Variants in CNTNAP2 observed in about 807,000 individuals in gnomAD.
CNTNAP2 encodes the protein contactin associated protein 2.
In CNTNAP2, 98 loss-of-function variants were observed where a neutral mutation model predicts 155.2. The ratio of observed to expected loss-of-function variants is 0.63; its 90% CI spans 0.54 to 0.75. CNTNAP2 has a LOEUF of 0.75. Ranked by LOEUF, CNTNAP2 falls within the 30% of genes least tolerant of loss-of-function variation. CNTNAP2 has a pLI of 0.00. For synonymous variants in CNTNAP2, 651 were observed against 631.2 expected (o/e 1.03, Z -0.47); for missense variants, 1,727 against 1,688.1 (o/e 1.02, Z -0.40).
In CNTNAP2 at chr7:147,774,954, C is replaced by T. The variant is rs1050332551; in HGVS notation, c.2099-128611C>T. ...ATACCAGAACTAAACCCATTAACCACGTGGCAGTTCAGTGCTTTCTCTACT... is the reference window on the plus strand; with the variant it reads ...ATACCAGAACTAAACCCATTAACCATGTGGCAGTTCAGTGCTTTCTCTACT... On this transcript the variant is annotated intron_variant, in intron 13 of 23. Transcript: ENST00000361727. Among the ~76,000 whole-genome samples the T allele has an allele frequency of 4.0e-5, 6 of 151,808 alleles. No individual in the cohort carries two copies. In the East Asian group the frequency reaches 5.8e-4, roughly 15 times the overall value.
intron 1 of CNTNAP2, among the ~76,000 whole-genome samples, chr7:146,727,739 A>C (rs1801455471): frequency 1.3e-5 from 2 of 152,200 alleles, no homozygotes; most frequent in East Asian, 3.8e-4. Context: ...TATTTATAGA[A>C]GCGTATGTGT....
intron 3 of CNTNAP2, among the ~76,000 whole-genome samples, chr7:146,853,845 A>G (rs1794927049): frequency 6.6e-6 from 1 of 152,214 alleles, no homozygotes; most frequent in African/African-American, 2.4e-5. Flanking sequence ...CAAATTGTGG[A>G]ATTTAGTGAA....
In CNTNAP2 at chr7:148,079,823, G is replaced by A. The variant is rs543711805; in HGVS notation, c.2384-38295G>A. On this transcript the variant is annotated intron_variant, in intron 15 of 23. Coordinates refer to ENST00000361727, the MANE Select transcript of CNTNAP2 (RefSeq NM_014141.6). ...TGGTCAGCTGTGCCTGGATTCCAAA[G>A]GGAGGAGGGTATAATGAGGCATGTG... Among the ~76,000 whole-genome samples the A allele has an allele frequency of 7.9e-5, 12 of 152,270 alleles. No homozygotes were observed. The South Asian group carries it at 2.3e-3, about 29-fold the overall frequency.
At chr7:146,833,957 A>G (rs894178103) in intron 2 of CNTNAP2, among the ~76,000 whole-genome samples, 1 of 152,178 alleles carries the variant, frequency 6.6e-6, no homozygotes, top group African/African-American at 2.4e-5. Flanking sequence ...TATTTGAAGC[A>G]GAAGGGGGTC....
chr7:146,930,904 C>T (rs373217323), intron 3 of CNTNAP2, among the ~76,000 whole-genome samples: 1 of 152,096 alleles, frequency 6.6e-6, no homozygotes. Flanking sequence ...AATATATATG[C>T]ACCCAATACA....
At chr7:147,091,404 T>A (rs1437157059) in intron 4 of CNTNAP2, among the ~76,000 whole-genome samples, 1 of 152,124 alleles carries the variant, frequency 6.6e-6, no homozygotes, top group African/African-American at 2.4e-5. Context: ...AATGAAGGCA[T>A]GTGCTATGAT....
Position 148,419,488 on chromosome 7 carries a change from G to A in CNTNAP2, c.*3872G>A, listed in dbSNP as rs992789269. On this transcript the variant is annotated 3_prime_UTR_variant, in exon 24 of 24. Coordinates refer to ENST00000361727, the MANE Select transcript of CNTNAP2 (RefSeq NM_014141.6). ...TCTGTCCCCCAGGCTGGAGTGCACT[G>A]GCGCAATCTCGGGCTCACTGCAACC... is the stretch of plus-strand genomic sequence containing the variant. 6.6e-6 allele frequency: 1 copy of A among 152,074 alleles called. No individual in the cohort carries two copies. The highest frequency in any genetic ancestry group is 1.5e-5 in the Non-Finnish European group (1 of 68,118). 9.4% of individuals were successfully genotyped at this position (152,074 alleles called of 1,614,324 possible). A position where few individuals can be genotyped will look rare whatever the true frequency, so the allele number is the denominator to read the frequency against.
intron 1 of CNTNAP2, among the ~76,000 whole-genome samples, chr7:146,280,135 T>TTG (rs1464297677): frequency 6.6e-6 from 1 of 152,150 alleles, no homozygotes; most frequent in Non-Finnish European, 1.5e-5. Context: ...GTCTATCTTT[T>TTG]TTAGTAAAAG....
chr7:147,161,877 A>C (rs1802032288), intron 8 of CNTNAP2: 1 of 152,180 alleles, frequency 6.6e-6, no homozygotes, highest in African/African-American at 2.4e-5. Context: ...TATGACCAAT[A>C]TGCTTTGACC....
rs138192783 is a variant in CNTNAP2 at position 147,392,376 on chromosome 7, T to C, written c.1499-3233T>C. On this transcript the variant is annotated intron_variant, in intron 9 of 23. Transcript: ENST00000361727. The stretch of plus-strand genomic sequence containing the variant: ...ATTTTATTTTTAATTTTTATTTCCA[T>C]AGGTTTTTGGGGGAACAGGTGGTAT... Among the ~76,000 whole-genome samples, 301 of 152,066 alleles carry C rather than the reference T, an allele frequency of 2.0e-3. 2 individuals are homozygous for C. Among genetic ancestry groups the C allele is most frequent in the African/African-American group, 7.0e-3 (292 of 41,520 alleles).
At chr7:147,949,458 A>ATATATATATATATATATATATATTTT (rs1433579404) in intron 14 of CNTNAP2, among the ~76,000 whole-genome samples, 2 of 137,388 alleles carry the variant, frequency 1.5e-5, no homozygotes, top group South Asian at 2.4e-4. Context: ...ATATATATAT[A>ATATATATATATATATATATATATTTT]TTTTTTTTTT....
At chr7:146,572,264 CTTTTT>C (rs71165015) in intron 1 of CNTNAP2, among the ~76,000 whole-genome samples, 70 of 126,186 alleles carry the variant, frequency 5.5e-4, no homozygotes, top group African/African-American at 1.3e-3. Context: ...TTTCTGTTGT[CTTTTT>C]TTTTTTTTTT....
chr7:147,085,261 G>A (rs1398554281), intron 4 of CNTNAP2, among the ~76,000 whole-genome samples: 2 of 152,068 alleles, frequency 1.3e-5, no homozygotes, highest in Non-Finnish European at 1.5e-5. Context: ...TAGGTCAGGG[G>A]TTCCCAGCCT....
intron 8 of CNTNAP2, chr7:147,167,569 A>T: frequency 1.3e-6 from 1 of 788,264 alleles, no homozygotes; most frequent in South Asian, 1.6e-5. Flanking sequence ...GATGACGATG[A>T]TGACCTGTGA....
chr7:147,316,045 A>G (rs1207738480), intron 9 of CNTNAP2, among the ~76,000 whole-genome samples: 1 of 152,090 alleles, frequency 6.6e-6, no homozygotes, highest in Non-Finnish European at 1.5e-5. Flanking sequence ...TGGCTATTAT[A>G]TATAATGCTG....
At chr7:147,623,286 C>T (rs1794902386) in intron 12 of CNTNAP2, among the ~76,000 whole-genome samples, 1 of 151,986 alleles carries the variant, frequency 6.6e-6, no homozygotes, top group Non-Finnish European at 1.5e-5. Flanking sequence ...AAATAAAGGG[C>T]ATCCAAATTG....
chr7:146,313,386 C>T (rs556470747), intron 1 of CNTNAP2, among the ~76,000 whole-genome samples: 1 of 152,268 alleles, frequency 6.6e-6, no homozygotes, highest in Admixed American at 6.5e-5. Flanking sequence ...AGATTCTTTG[C>T]ACATTTTATA....
chr7:147,629,270 A>G (rs926170523), intron 12 of CNTNAP2, among the ~76,000 whole-genome samples: 1 of 151,868 alleles, frequency 6.6e-6, no homozygotes, highest in Non-Finnish European at 1.5e-5. Flanking sequence ...AAGCAACGTG[A>G]TGGGTGCCTG....
intron 1 of CNTNAP2, among the ~76,000 whole-genome samples, chr7:146,507,402 T>C (rs1381482166): frequency 6.6e-6 from 1 of 152,228 alleles, no homozygotes; most frequent in Non-Finnish European, 1.5e-5. Flanking sequence ...CACCTGCACT[T>C]GCTGTATGGC....
Sources: allele counts gnomAD v4.1 joint callset (sites outside exome capture counted in the v4.1 genomes callset), GRCh38; gene constraint gnomAD v4.1.1; transcripts MANE v1.5; gene names NCBI Gene and HGNC (gene_info 2026-07-23, HGNC 2026-07-21).